The following KLHDC4 variants were observed in gnomAD, a reference collection of about 807,000 sequenced individuals.
The protein encoded by KLHDC4 is kelch domain containing 4.
A neutral mutation model predicts 62.4 loss-of-function variants in KLHDC4; 90 were observed. That is an observed-to-expected ratio of 1.44 (90% confidence interval 1.22 to 1.72). KLHDC4 has a LOEUF of 1.72. Among genes scored for constraint, KLHDC4 ranks in the 40% most tolerant of loss-of-function variants. KLHDC4 has a pLI of 0.00. For missense variants in KLHDC4, 1,025 were observed against 699.7 expected (o/e 1.47, Z -5.25); for synonymous variants, 386 against 284.4 (o/e 1.36, Z -3.59).
chr16:87,753,072 G>A (rs1261064733), intron 4 of KLHDC4, among the ~76,000 whole-genome samples: 2 of 152,204 alleles, frequency 1.3e-5, no homozygotes, highest in East Asian at 1.9e-4. Flanking sequence ...CAGGGCAGGT[G>A]GTCTTGCATA....
At chr16:87,741,044 C>A (rs1299087008) in intron 5 of KLHDC4, 2 of 152,150 alleles carry the variant, frequency 1.3e-5, no homozygotes, top group Admixed American at 1.3e-4. Flanking sequence ...GTCAGCATTG[C>A]CATTACCCCC....
At chr16:87,706,870 G>A (rs993380432), downstream of KLHDC4, among the ~76,000 whole-genome samples, 1 of 152,178 alleles carries the variant, frequency 6.6e-6, no homozygotes, top group African/African-American at 2.4e-5. Flanking sequence ...GAGGCCAAGG[G>A]AGCGGGGAGG....
intron 11 of KLHDC4, 59 bp downstream of exon 11, chr16:87,708,291 T>C (rs2142900894): frequency 8.7e-7 from 1 of 1,152,346 alleles, no homozygotes; most frequent in Non-Finnish European, 1.2e-6. Context: ...CCGATAAACA[T>C]GAAAAGCCTT....
intron 6 of KLHDC4, among the ~76,000 whole-genome samples, chr16:87,727,541 G>A (rs1024536469): frequency 5.3e-5 from 8 of 152,146 alleles, no homozygotes; most frequent in African/African-American, 1.4e-4. Context: ...AAATCACAGC[G>A]CGGCAAGGAG....
At chr16:87,723,723 T>C (rs1045604680) in intron 7 of KLHDC4, among the ~76,000 whole-genome samples, 1 of 152,288 alleles carries the variant, frequency 6.6e-6, no homozygotes, top group East Asian at 1.9e-4. Context: ...AAATCCTTTA[T>C]TGCCAAGGCA....
intron 7 of KLHDC4, among the ~76,000 whole-genome samples, chr16:87,725,158 G>A (rs545323822): frequency 2.6e-5 from 4 of 152,178 alleles, no homozygotes; most frequent in South Asian, 2.1e-4. Context: ...TCAGAGCAGC[G>A]TCACCTCTGG....
At chr16:87,706,956 C>G (rs533882440), downstream of KLHDC4, among the ~76,000 whole-genome samples, 1 of 152,272 alleles carries the variant, frequency 6.6e-6, no homozygotes, top group African/African-American at 2.4e-5. Flanking sequence ...GCACCGGCTC[C>G]GCCAGGAGGG....
intron 5 of KLHDC4, chr16:87,731,045 T>TC (rs2040269434): frequency 1.8e-5 from 2 of 113,642 alleles, no homozygotes; most frequent in South Asian, 3.0e-4. Context: ...CATACAGAAT[T>TC]CTTTTTTTTT....
chr16:87,721,762 G>A (rs1405683792), intron 7 of KLHDC4, among the ~76,000 whole-genome samples: 1 of 152,206 alleles, frequency 6.6e-6, no homozygotes, highest in Non-Finnish European at 1.5e-5. Flanking sequence ...ACAGTGGGGC[G>A]TGCAGAGAAC....
chr16:87,719,791 G>A (rs552341334), intron 7 of KLHDC4, among the ~76,000 whole-genome samples: 57 of 152,332 alleles, frequency 3.7e-4, no homozygotes, highest in Non-Finnish European at 6.2e-4. Context: ...AGACATCTGA[G>A]AGAGAGATCA....
intron 7 of KLHDC4, among the ~76,000 whole-genome samples, chr16:87,724,063 C>T (rs2038918385): frequency 6.6e-6 from 1 of 152,182 alleles, no homozygotes; most frequent in African/African-American, 2.4e-5. Flanking sequence ...ATCTCGAACT[C>T]CTGACCTCGA....
chr16:87,726,680 C>CCCCGCGCCTCGCCCGTCTCCCCAG (rs2039401974), intron 7 of KLHDC4, 85 bp downstream of exon 7: 1 of 682,080 alleles, frequency 1.5e-6, no homozygotes, highest in African/African-American at 2.5e-5. Flanking sequence ...CGTCTCCCCA[C>CCCCGCGCCTCGCCCGTCTCCCCAG]CCCGCGCCTC....
chr16:87,742,458 G>T (rs1243662584), intron 5 of KLHDC4, among the ~76,000 whole-genome samples: 1 of 152,178 alleles, frequency 6.6e-6, no homozygotes, highest in African/African-American at 2.4e-5. Flanking sequence ...CTTTTAAGCA[G>T]CAACTAAAAA....
At chr16:87,700,708 GGGCGGAGGGAGGA>G (rs2034102616) in exon 1 of KLHDC4, 2 of 241,354 alleles carry the variant, frequency 8.3e-6, no homozygotes, top group African/African-American at 5.4e-5. Flanking sequence ...GGAGGTTGGA[GGGCGGAGGGAGGA>G]GGTTGGAGGG....
At chr16:87,757,795 G>T (rs1310283760) in intron 2 of KLHDC4, among the ~76,000 whole-genome samples, 2 of 152,124 alleles carry the variant, frequency 1.3e-5, no homozygotes, top group East Asian at 1.9e-4. Flanking sequence ...AGGAGGCTGA[G>T]GCAGGAGGAT....
chr16:87,762,495 T>C (rs2046036650), intron 1 of KLHDC4, among the ~76,000 whole-genome samples: 1 of 152,248 alleles, frequency 6.6e-6, no homozygotes, highest in Admixed American at 6.5e-5. Flanking sequence ...GCCTGGGCCG[T>C]CACGCCTGCC....
At chr16:87,699,507 A>T (rs1441167703) in exon 1 of KLHDC4, 1 of 152,208 alleles carries the variant, frequency 6.6e-6, no homozygotes, top group Non-Finnish European at 1.5e-5. Context: ...CAGCCTGACC[A>T]ACATAGTGAA....
exon 1 of KLHDC4, chr16:87,700,544 A>G (rs1422843040): frequency 4.5e-4 from 66 of 145,552 alleles, no homozygotes; most frequent in Middle Eastern, 3.6e-3. Context: ...AGGAGGGCAG[A>G]AGAAGAGGGC....
intron 10 of KLHDC4, 68 bp downstream of exon 10, chr16:87,709,197 C>CG: frequency 6.5e-7 from 1 of 1,539,298 alleles, no homozygotes. Flanking sequence ...GGCTTGCTTT[C>CG]GAGGGACGCG....
Sources: allele counts gnomAD v4.1 joint callset (sites outside exome capture counted in the v4.1 genomes callset), GRCh38; gene constraint gnomAD v4.1.1; transcripts MANE v1.5; gene names NCBI Gene and HGNC (gene_info 2026-07-23, HGNC 2026-07-21).